The following RIN2 variants were observed in gnomAD, a reference collection of about 807,000 sequenced individuals.
RIN2 encodes RAB5 interacting protein 2.
A neutral mutation model predicts 78.0 loss-of-function variants in RIN2; 36 were observed. That is an observed-to-expected ratio of 0.46 (90% CI 0.35 to 0.61). The LOEUF (loss-of-function observed/expected upper bound fraction) is 0.61. Among genes scored for constraint, RIN2 ranks in the 20% least tolerant of loss-of-function variants. The pLI, the probability that RIN2 is intolerant of heterozygous loss-of-function variation, is 0.00. For synonymous variants in RIN2, 466 were observed against 466.8 expected, an observed-to-expected ratio of 1.00 and a Z score of 0.02; for missense variants, 1,087 against 1,159.7, an observed-to-expected ratio of 0.94 and a Z score of 0.91.
At chr20:19,771,766 A>G (rs1202703310) in intron 1 of RIN2, among the ~76,000 whole-genome samples, 2 of 152,094 alleles carry the variant, frequency 1.3e-5, no homozygotes, top group Non-Finnish European at 2.9e-5. Flanking sequence ...AAACGCTCTG[A>G]CAGCAGCTTT....
At chr20:19,903,640 C>T in intron 3 of RIN2, among the ~76,000 whole-genome samples, 1 of 152,158 alleles carries the variant, frequency 6.6e-6, no homozygotes, top group African/African-American at 2.4e-5. Flanking sequence ...GCCAGAGATG[C>T]TGCCAAACTT....
chr20:19,844,506 A>G (rs1050258568), intron 2 of RIN2, among the ~76,000 whole-genome samples: 1 of 152,176 alleles, frequency 6.6e-6, no homozygotes, highest in Non-Finnish European at 1.5e-5. Context: ...AAAACTAGGT[A>G]GTCAAGCAAA....
intron 9 of RIN2, among the ~76,000 whole-genome samples, chr20:19,978,876 C>G (rs553678697): frequency 6.6e-6 from 1 of 152,334 alleles, no homozygotes; most frequent in South Asian, 2.1e-4. Context: ...GGGGGCCCTA[C>G]TTAAAGTATT....
Position 19,960,647 on chromosome 20 carries a change from G to C in RIN2, c.352-53G>C. On this transcript the variant is annotated intron_variant, in intron 5 of 12. Transcript: ENST00000255006. ...AGTGTGAGGGAAACCAGATGCTTGG[G>C]TTCCAACATTCTAGATATTTCCTAA... The C allele has an allele frequency of 8.4e-6, 11 of 1,312,074 alleles. No individual in the cohort carries two copies. In the South Asian group the frequency reaches 1.4e-4, roughly 17 times the overall value. The allele number at this position is 1,312,074 out of a possible 1,614,324, so 81.3% of individuals were successfully genotyped here. A position where few individuals can be genotyped will look rare whatever the true frequency, so the allele number is the denominator to read the frequency against.
At position 19,975,194 on chromosome 20, in the gene RIN2, T is replaced by C. The variant is rs543940289; in HGVS notation, c.1169T>C (p.Leu390Pro). 1 of 1,603,278 alleles carries C rather than the reference T, an allele frequency of 6.2e-7. No homozygotes were observed. The highest frequency in any genetic ancestry group is 8.5e-7 in the Non-Finnish European group (1 of 1,175,088). Residue 390 changes from leucine (L) to proline (P), a missense_variant, in exon 9 of 13, where the codon CTG becomes CCG. By Grantham distance (98) the Leu-to-Pro change is moderately conservative. Transcript: ENST00000255006. This position sits in a 1 kb window ranked among gnomAD's most constrained non-coding sequence, Gnocchi z 4.9. ...CCGGGCGCAGGCCCGGAGCTGGAGC[T>C]GGGCACAGCTGGCAGCCCAGGTGGG... Reference protein sequence around the residue: ...GRPGAGPELELGTAGSPGGAP... With the variant: ...GRPGAGPELEPGTAGSPGGAP...
At chr20:19,757,694 C>T (rs930233353), upstream of RIN2, 1 of 152,330 alleles carries the variant, frequency 6.6e-6, no homozygotes, top group Admixed American at 6.5e-5. Context: ...TGCAACAGAT[C>T]CCGGGATCTG....
chr20:19,851,704 A>G lies in RIN2; in HGVS notation c.-36-37862A>G, dbSNP rs535964937. On this transcript the variant is annotated intron_variant, in intron 2 of 12. Coordinates refer to ENST00000255006, the MANE Select transcript of RIN2 (RefSeq NM_018993.4). ...GCTACTACACTCCAACCTGGGCAAT[A>G]GAATAGAACTCTCTTCTCTTGGGCT... 1.6e-4 allele frequency among the ~76,000 whole-genome samples: 24 copies of G among 152,250 alleles called. 1 individual carries two copies. The highest frequency in any genetic ancestry group is 5.8e-4 in the African/African-American group (24 of 41,544).
chr20:19,912,763 G>A lies in RIN2; in HGVS notation c.58-22336G>A, dbSNP rs118039193. On this transcript the variant is annotated intron_variant, in intron 3 of 12. Coordinates refer to ENST00000255006, the MANE Select transcript of RIN2 (RefSeq NM_018993.4). ...CAAAGTGCTGGGATTACAGGCGTGA[G>A]CTACCACGACCACGCCGGGATGGTC... Among the ~76,000 whole-genome samples, 194 of 152,248 alleles carry A rather than the reference G, an allele frequency of 1.3e-3. 5 individuals are homozygous for A. In the East Asian group the frequency reaches 0.036, roughly 28 times the overall value.
intron 2 of RIN2, among the ~76,000 whole-genome samples, chr20:19,888,266 C>G (rs2038284837): frequency 6.6e-6 from 1 of 152,268 alleles, no homozygotes; most frequent in East Asian, 1.9e-4. Flanking sequence ...GGATTCCGTG[C>G]ACAGATCATC....
chr20:19,804,758 G>T (rs187834899), intron 2 of RIN2, among the ~76,000 whole-genome samples: 1 of 152,178 alleles, frequency 6.6e-6, no homozygotes, highest in African/African-American at 2.4e-5. Flanking sequence ...GTTTGGAATA[G>T]TTTCAGAAGA....
intron 3 of RIN2, among the ~76,000 whole-genome samples, chr20:19,928,813 TG>T (rs1423106359): frequency 1.3e-5 from 2 of 152,022 alleles, no homozygotes; most frequent in East Asian, 1.9e-4. Flanking sequence ...TCTTCTTCCC[TG>T]GAAGTCCCCA....
chr20:19,871,884 G>A (rs2037701647), intron 2 of RIN2: 1 of 152,150 alleles, frequency 6.6e-6, no homozygotes, highest in Admixed American at 6.5e-5. Context: ...TAGGAATTGT[G>A]GACTCTTAAG....
At chr20:19,767,143 GTGTTTA>G (rs1276227030) in intron 1 of RIN2, among the ~76,000 whole-genome samples, 3 of 152,178 alleles carry the variant, frequency 2.0e-5, no homozygotes, top group Non-Finnish European at 4.4e-5. Flanking sequence ...AGGGGAAATT[GTGTTTA>G]TGTTTAGGTT....
intron 2 of RIN2, among the ~76,000 whole-genome samples, chr20:19,802,514 G>C (rs1600490635): frequency 6.6e-6 from 1 of 151,712 alleles, no homozygotes; most frequent in African/African-American, 2.4e-5. Flanking sequence ...CTGGGGCTTG[G>C]CCTCCCTCCC....
intron 3 of RIN2, among the ~76,000 whole-genome samples, chr20:19,890,182 A>T (rs1335333170): frequency 6.6e-6 from 1 of 152,222 alleles, no homozygotes; most frequent in African/African-American, 2.4e-5. Context: ...ATGAGGAAGC[A>T]TGATTATAAC....
intron 5 of RIN2, among the ~76,000 whole-genome samples, chr20:19,957,074 C>T (rs903300151): frequency 2.0e-5 from 3 of 152,188 alleles, no homozygotes; most frequent in Non-Finnish European, 2.9e-5. Flanking sequence ...CGAGTAGGGG[C>T]CACTGGCCAG....
At chr20:19,947,699 C>T (rs2041150150) in intron 4 of RIN2, among the ~76,000 whole-genome samples, 1 of 152,232 alleles carries the variant, frequency 6.6e-6, no homozygotes, top group South Asian at 2.1e-4. Flanking sequence ...AGGGAACGAG[C>T]CCTCAGGCTT....
At chr20:19,799,216 A>C (rs2035166881) in intron 1 of RIN2, among the ~76,000 whole-genome samples, 1 of 152,120 alleles carries the variant, frequency 6.6e-6, no homozygotes, top group African/African-American at 2.4e-5. Context: ...GGAATTTCTT[A>C]TTCTGATTAG....
intron 2 of RIN2, among the ~76,000 whole-genome samples, chr20:19,869,014 G>A (rs1317028085): frequency 2.9e-5 from 4 of 139,908 alleles, no homozygotes; most frequent in African/African-American, 1.1e-4. Flanking sequence ...CCGGGAGGTG[G>A]AGGTTGCAGT....
Sources: allele counts gnomAD v4.1 joint callset (sites outside exome capture counted in the v4.1 genomes callset), GRCh38; gene constraint gnomAD v4.1.1; non-coding constraint Gnocchi (gnomAD v3.1); transcripts MANE v1.5; gene names NCBI Gene and HGNC (gene_info 2026-07-23, HGNC 2026-07-21).